The following VPS8 variants were observed in gnomAD, a reference collection of about 807,000 sequenced individuals.
The protein encoded by VPS8 is VPS8 subunit of CORVET complex, also known as vacuolar protein sorting-associated protein 8 homolog.
Under a neutral mutation model 216.4 loss-of-function variants are expected in VPS8, and 129 were observed. That is an observed-to-expected ratio of 0.60 (90% CI 0.52 to 0.69). The LOEUF (loss-of-function observed/expected upper bound fraction) is 0.69, where lower values mean the gene tolerates loss of function less well. VPS8 is among the 30% of genes least tolerant of loss of function. The probability of loss-of-function intolerance (pLI) is 0.00; values close to 1 mark genes in which losing one functional copy is unlikely to be tolerated. For missense variants in VPS8, 1,531 were observed against 1,683.5 expected, an observed-to-expected ratio of 0.91 and a Z score of 1.59; for synonymous variants, 571 against 565.4, an observed-to-expected ratio of 1.01 and a Z score of -0.14.
At position 184,914,994 on chromosome 3, in the gene VPS8, G is replaced by C. The variant is rs368160632; in HGVS notation, c.2203G>C (p.Gly735Arg). The C allele has an allele frequency of 1.9e-5, 31 of 1,613,852 alleles. No individual in the cohort carries two copies. The highest frequency in any genetic ancestry group is 2.5e-5 in the Non-Finnish European group (29 of 1,179,874). ...CTTTTCTTCTAGCTGTTGTCTAGCA[G>C]GTCGTGCCTATCCCCTTGGTGACAT... is the stretch of plus-strand genomic sequence containing the variant. ...LLVYISCCLA[G>R]RAYPLGDIPE... The change falls in exon 27 of 48, where the codon GGT becomes CGT. Residue 735 changes from glycine to arginine, a missense_variant. Gly to Arg is a moderately radical substitution (Grantham distance 125). Around this residue, in one of 3 missense-constraint regions of VPS8, gnomAD observed 1,318 missense variants for 1,468.4 expected, o/e 0.90. Transcript: ENST00000625842.
chr3:184,912,906 GA>G (rs954620616), intron 25 of VPS8, among the ~76,000 whole-genome samples: 26 of 152,164 alleles, frequency 1.7e-4, no homozygotes, highest in African/African-American at 6.0e-4. Context: ...TCACCCTGTT[GA>G]TGCTCCTGCT....
At position 184,926,616 on chromosome 3, in the gene VPS8, C is replaced by T; in HGVS notation, c.2597C>T (p.Pro866Leu). ...CAGGTCCTTGAATTCCTTTGTAGTC[C>T]TGACGATGACTCCCGACACTCTGAA... is the stretch of plus-strand genomic sequence containing the variant. The part of the protein sequence containing the change: ...FDQVLEFLCS[P>L]DDDSRHSERQ... The change falls in exon 31 of 48, where the codon CCT (proline) becomes CTT (leucine). Residue 866 changes from proline to leucine, a missense_variant. Pro to Leu is a moderately conservative substitution (Grantham distance 98). Transcript: ENST00000625842. 1 of 1,604,522 alleles carries T rather than the reference C, an allele frequency of 6.2e-7. No homozygotes were observed. The highest frequency in any genetic ancestry group is 8.5e-7 in the Non-Finnish European group (1 of 1,175,412).
At chr3:184,917,271 C>T (rs1318604798) in intron 28 of VPS8, among the ~76,000 whole-genome samples, 5 of 152,056 alleles carry the variant, frequency 3.3e-5, no homozygotes, top group Non-Finnish European at 7.3e-5. Flanking sequence ...AATGAGTATT[C>T]AAGTAATTGA....
At chr3:184,911,468 T>C (rs571336856) in intron 25 of VPS8, among the ~76,000 whole-genome samples, 9 of 152,296 alleles carry the variant, frequency 5.9e-5, no homozygotes, top group Non-Finnish European at 7.4e-5. Context: ...AGGAGAAACA[T>C]ACACAAGCTA....
intron 23 of VPS8, among the ~76,000 whole-genome samples, chr3:184,896,603 A>G (rs1319979368): frequency 6.6e-6 from 1 of 152,130 alleles, no homozygotes; most frequent in Non-Finnish European, 1.5e-5. Context: ...ACCAAATGGT[A>G]TTTTTCAATC....
rs114357460 is a variant in VPS8, at chr3:184,933,138, G to T, written c.2898+2570G>T. Reference sequence around the variant, plus strand: ...GCTAACTCATAATCTCTGCTCTAGTGTATATAATTCCTAGTTAGTTGAGAT... The same window carrying T: ...GCTAACTCATAATCTCTGCTCTAGTTTATATAATTCCTAGTTAGTTGAGAT... On this transcript the variant is annotated intron_variant, in intron 34 of 47. Coordinates refer to ENST00000625842, the MANE Select transcript of VPS8 (RefSeq NM_001009921.3). Among the ~76,000 whole-genome samples, 1,138 of 152,286 alleles carry T rather than the reference G, an allele frequency of 7.5e-3. 19 individuals are homozygous for T. The highest frequency in any genetic ancestry group is 0.026 in the African/African-American group (1,099 of 41,554).
chr3:185,023,982 A>G (rs1166994270), intron 45 of VPS8, among the ~76,000 whole-genome samples: 2 of 152,242 alleles, frequency 1.3e-5, no homozygotes, highest in African/African-American at 2.4e-5. Flanking sequence ...ACATCACAGT[A>G]GAGATTTTGA....
chr3:184,908,260 A>G (rs1735846660), intron 25 of VPS8, among the ~76,000 whole-genome samples: 1 of 152,166 alleles, frequency 6.6e-6, no homozygotes, highest in East Asian at 1.9e-4. Flanking sequence ...AGGATGGGGC[A>G]TTTGAGGGGC....
chr3:184,920,483 T>TA (rs1738419683), intron 29 of VPS8, among the ~76,000 whole-genome samples: 1 of 152,226 alleles, frequency 6.6e-6, no homozygotes, highest in Non-Finnish European at 1.5e-5. Context: ...CGTGTAATAA[T>TA]AGAGACTAAC....
chr3:185,047,398 G>A (rs566047402), intron 46 of VPS8, among the ~76,000 whole-genome samples: 2 of 152,184 alleles, frequency 1.3e-5, no homozygotes, highest in East Asian at 1.9e-4. Flanking sequence ...TACCCAACTC[G>A]GAGAACTTGC....
At chr3:184,832,107 C>T (rs1408262651) in intron 3 of VPS8, among the ~76,000 whole-genome samples, 2 of 152,122 alleles carry the variant, frequency 1.3e-5, no homozygotes, top group Admixed American at 6.5e-5. Flanking sequence ...TAAGGCTTTT[C>T]ATGGTTTGGG....
intron 33 of VPS8, among the ~76,000 whole-genome samples, chr3:184,930,111 T>C (rs1030556702): frequency 6.6e-6 from 1 of 152,100 alleles, no homozygotes; most frequent in African/African-American, 2.4e-5. Flanking sequence ...ATCATATAGA[T>C]GAAGTGAAAA....
chr3:184,902,946 G>A (rs756128543), intron 25 of VPS8, among the ~76,000 whole-genome samples: 3 of 151,866 alleles, frequency 2.0e-5, no homozygotes, highest in South Asian at 2.1e-4. Context: ...AATTCGTTTC[G>A]AGTTAATTTT....
At chr3:184,910,953 G>A (rs941098091) in intron 25 of VPS8, among the ~76,000 whole-genome samples, 1 of 152,128 alleles carries the variant, frequency 6.6e-6, no homozygotes, top group Non-Finnish European at 1.5e-5. Context: ...GTAAGGGTGG[G>A]GGTGAATGAG....
At chr3:185,038,097 C>T (rs544964082) in intron 46 of VPS8, among the ~76,000 whole-genome samples, 1 of 152,262 alleles carries the variant, frequency 6.6e-6, no homozygotes, top group Admixed American at 6.5e-5. Flanking sequence ...ATGTACTGGT[C>T]CCCCTACCCC....
intron 25 of VPS8, among the ~76,000 whole-genome samples, chr3:184,912,150 C>G (rs1736657945): frequency 6.6e-6 from 1 of 152,220 alleles, no homozygotes; most frequent in Non-Finnish European, 1.5e-5. Flanking sequence ...TAAGCCCCTT[C>G]CTCGGGGCCG....
chr3:184,880,007 T>C (rs1449248593), intron 21 of VPS8, among the ~76,000 whole-genome samples: 3 of 152,204 alleles, frequency 2.0e-5, no homozygotes, highest in Non-Finnish European at 4.4e-5. Flanking sequence ...AGATTGAAAG[T>C]GTTAATTTGG....
chr3:184,865,108 A>G (rs1171416745), intron 16 of VPS8, among the ~76,000 whole-genome samples: 2 of 152,158 alleles, frequency 1.3e-5, no homozygotes, highest in Admixed American at 1.3e-4. Flanking sequence ...TGAAGATACA[A>G]CAATAGAAAT....
intron 40 of VPS8, among the ~76,000 whole-genome samples, chr3:184,981,946 TATAA>T (rs1196223098): frequency 2.0e-5 from 2 of 101,916 alleles, no homozygotes; most frequent in East Asian, 5.9e-4. Context: ...ATTAACATAA[TATAA>T]ATAAATGATA....
Sources: allele counts gnomAD v4.1 joint callset (sites outside exome capture counted in the v4.1 genomes callset), GRCh38; gene constraint gnomAD v4.1.1; regional missense constraint gnomAD v4.1.1; transcripts MANE v1.5; gene names NCBI Gene and HGNC (gene_info 2026-07-23, HGNC 2026-07-21).